The following PTPRZ1 variants were observed in gnomAD, a reference collection of about 807,000 sequenced individuals.
PTPRZ1 encodes receptor-type tyrosine-protein phosphatase zeta.
A neutral mutation model predicts 214.1 loss-of-function variants in PTPRZ1; 82 were observed. The observed-to-expected ratio is 0.38, with a 90% CI of 0.32 to 0.46. The LOEUF is 0.46. Among genes scored for constraint, PTPRZ1 ranks in the 20% least tolerant of loss-of-function variants. PTPRZ1 has a pLI of 1.00. For missense variants in PTPRZ1, 2,603 were observed against 2,748.7 expected (o/e 0.95, Z 1.19); for synonymous variants, 945 against 987.9 (o/e 0.96, Z 0.81).
intron 1 of PTPRZ1, among the ~76,000 whole-genome samples, chr7:121,878,070 C>T (rs555366808): frequency 1.3e-4 from 20 of 151,510 alleles, no homozygotes; most frequent in African/African-American, 4.1e-4. Flanking sequence ...CAAAAGGAAA[C>T]CAATTTTTCT....
intron 13 of PTPRZ1, among the ~76,000 whole-genome samples, chr7:122,023,777 A>T (rs10253127): frequency 1.0e-5 from 1 of 99,796 alleles, no homozygotes; most frequent in Non-Finnish European, 2.0e-5. Flanking sequence ...TTTATATATA[A>T]TATATATTAT....
Position 122,012,658 on chromosome 7 carries a change from T to C in PTPRZ1, c.3612T>C (p.Ser1204=), listed in dbSNP as rs1216409873. Residue 1204 remains serine, a synonymous_variant, in exon 12 of 30, where the codon AGT becomes AGC. Transcript: ENST00000393386. ...AAACTGTTCTTCCAGCTGTGCCCAG[T>C]GATCCAATATTGGTTGAAACCCCCA... The part of the protein sequence containing the change: ...LLKTVLPAVP[S]DPILVETPKV... The C allele has an allele frequency of 3.1e-6, 5 of 1,613,542 alleles. No individual in the cohort carries two copies. The East Asian group carries it at 8.9e-5, about 29-fold the overall frequency.
chr7:121,908,685 C>G (rs780678026), intron 1 of PTPRZ1: 5 of 470,146 alleles, frequency 1.1e-5, no homozygotes, highest in Non-Finnish European at 4.1e-6. Context: ...AATTGCTATT[C>G]AAAATGGGTT....
intron 12 of PTPRZ1, among the ~76,000 whole-genome samples, chr7:122,014,287 A>T (rs1254084012): frequency 6.6e-6 from 1 of 151,592 alleles, no homozygotes; most frequent in Non-Finnish European, 1.5e-5. Flanking sequence ...AATAAGTTGT[A>T]AACTAATTCT....
chr7:122,046,454 G>GA (rs1193932578), intron 23 of PTPRZ1, among the ~76,000 whole-genome samples: 2 of 152,070 alleles, frequency 1.3e-5, no homozygotes, highest in African/African-American at 4.8e-5. Context: ...AAAATAGTGT[G>GA]AAAAATGCCA....
At position 122,042,694 on chromosome 7, in the gene PTPRZ1, G is replaced by C. The variant is rs1293782856; in HGVS notation, c.5888G>C (p.Gly1963Ala). 1 of 1,613,594 alleles carries C rather than the reference G, an allele frequency of 6.2e-7. No homozygotes were observed. Among genetic ancestry groups the C allele is most frequent in the Admixed American group, 1.7e-5 (1 of 60,012 alleles). ...IQHEGTVNIF[G>A]FLKHIRSQRN... is the part of the protein sequence containing the mutation. ...CACGAAGGAACTGTCAACATATTTG[G>C]CTTCTTAAAACACATCCGTTCACAA... Residue 1963 changes from glycine (G) to alanine (A), a missense_variant, in exon 22 of 30, where the codon GGC becomes GCC. Coordinates refer to ENST00000393386, the MANE Select transcript of PTPRZ1 (RefSeq NM_002851.3).
At chr7:122,008,523 C>CT (rs1306796829) in intron 11 of PTPRZ1, among the ~76,000 whole-genome samples, 1 of 152,040 alleles carries the variant, frequency 6.6e-6, no homozygotes, top group African/African-American at 2.4e-5. Context: ...GAAAACAACT[C>CT]TTTAGTTATA....
In PTPRZ1 at chr7:122,012,012, C is replaced by A; in HGVS notation, c.2966C>A (p.Ala989Asp). The stretch of plus-strand genomic sequence containing the variant: ...GCATCATTACTGCAGCCTACTCATG[C>A]CCTCTCTGGTGATGGGGAATGGTCT... ...PTASLLQPTH[A>D]LSGDGEWSGA... The change falls in exon 12 of 30, where the codon GCC (alanine) becomes GAC (aspartate). Residue 989 changes from alanine (A) to aspartate (D), a missense_variant. By Grantham distance (126) the Ala-to-Asp change is moderately radical. This residue lies in a region of PTPRZ1 where 1,913 missense variants were observed against 1,914.3 expected (regional missense o/e 1.00). Transcript: ENST00000393386. The A allele has an allele frequency of 6.2e-7, 1 of 1,614,200 alleles. No individual in the cohort carries two copies. Among genetic ancestry groups the A allele is most frequent in the Non-Finnish European group, 8.5e-7 (1 of 1,180,012 alleles).
At chr7:121,938,536 C>G (rs1220794691) in intron 2 of PTPRZ1, among the ~76,000 whole-genome samples, 1 of 152,202 alleles carries the variant, frequency 6.6e-6, no homozygotes, top group Non-Finnish European at 1.5e-5. Context: ...CTCCTGCCTT[C>G]CCATAGAAAT....
At chr7:121,892,491 G>A (rs1563004160) in intron 1 of PTPRZ1, among the ~76,000 whole-genome samples, 2 of 151,474 alleles carry the variant, frequency 1.3e-5, no homozygotes, top group East Asian at 3.9e-4. Flanking sequence ...ACTAGTTGAG[G>A]TATTAGACCA....
rs142826294 is a variant in PTPRZ1 at position 121,905,529 on chromosome 7, C to G, written c.59-22627C>G. Among the ~76,000 whole-genome samples the G allele has an allele frequency of 6.3e-3, 964 of 152,172 alleles. 6 individuals are homozygous for G. Among genetic ancestry groups the G allele is most frequent in the South Asian group, 0.031 (150 of 4,822 alleles). On this transcript the variant is annotated intron_variant, in intron 1 of 29. Transcript: ENST00000393386. ...TCAGAAAGATCTAAAATATCTGCAA[C>G]AAGTGGAAATTGACATCTATAGGGA...
At chr7:121,967,337 C>G (rs533863508) in intron 2 of PTPRZ1, among the ~76,000 whole-genome samples, 1 of 152,014 alleles carries the variant, frequency 6.6e-6, no homozygotes, top group Admixed American at 6.6e-5. Flanking sequence ...TTAAGGACAG[C>G]CTGATGATTA....
chr7:122,043,679 C>T (rs1468513741), intron 22 of PTPRZ1, among the ~76,000 whole-genome samples: 2 of 152,114 alleles, frequency 1.3e-5, no homozygotes, highest in African/African-American at 4.8e-5. Flanking sequence ...ACCACATGTT[C>T]TCACTTATAA....
intron 1 of PTPRZ1, among the ~76,000 whole-genome samples, chr7:121,887,018 G>A (rs1794417092): frequency 6.6e-6 from 1 of 151,498 alleles, no homozygotes; most frequent in South Asian, 2.1e-4. Flanking sequence ...TCGTCTTGGG[G>A]TGGATTTGGG....
At chr7:121,933,556 T>G (rs1184989381) in intron 2 of PTPRZ1, among the ~76,000 whole-genome samples, 2 of 152,164 alleles carry the variant, frequency 1.3e-5, no homozygotes, top group African/African-American at 4.8e-5. Flanking sequence ...CTGTTATACC[T>G]CGCTGGATAT....
intron 2 of PTPRZ1, among the ~76,000 whole-genome samples, chr7:121,954,196 C>G (rs1262899681): frequency 6.6e-6 from 1 of 152,192 alleles, no homozygotes; most frequent in South Asian, 2.1e-4. Context: ...TCTTCCTTAA[C>G]TCTGTAACCA....
intron 2 of PTPRZ1, among the ~76,000 whole-genome samples, chr7:121,930,252 A>T (rs1795882992): frequency 6.6e-6 from 1 of 152,182 alleles, no homozygotes; most frequent in Non-Finnish European, 1.5e-5. Flanking sequence ...TAATTTACTC[A>T]TTTATAATAA....
chr7:121,946,994 T>G (rs1178183706), intron 2 of PTPRZ1, among the ~76,000 whole-genome samples: 1 of 152,174 alleles, frequency 6.6e-6, no homozygotes, highest in African/African-American at 2.4e-5. Context: ...GCAACATGTG[T>G]TACTGAATGG....
intron 1 of PTPRZ1, among the ~76,000 whole-genome samples, chr7:121,893,272 G>C (rs1375565218): frequency 6.6e-6 from 1 of 152,132 alleles, no homozygotes; most frequent in Non-Finnish European, 1.5e-5. Context: ...ATGGCTGTGT[G>C]GTTCAAACAA....
Sources: gnomAD v4.1 joint callset for allele counts (sites outside exome capture counted in the v4.1 genomes callset) on GRCh38, gnomAD v4.1.1 for gene constraint, gnomAD v4.1.1 regional missense constraint, MANE v1.5 for transcripts, NCBI Gene and HGNC (gene_info 2026-07-23, HGNC 2026-07-21) for gene names.